EMID1: variants seen among roughly 807,000 people sequenced by gnomAD.
The protein encoded by EMID1 is EMI domain containing 1, also known as EMI domain-containing protein 1.
A neutral mutation model predicts 60.6 loss-of-function variants in EMID1; 40 were observed. That is an observed-to-expected ratio of 0.66 (90% CI 0.51 to 0.86). The LOEUF (loss-of-function observed/expected upper bound fraction) is 0.86, where lower values mean the gene tolerates loss of function less well. Among genes scored for constraint, EMID1 ranks in the 40% least tolerant of loss-of-function variants. The pLI is 0.00. For synonymous variants in EMID1, 242 were observed against 231.0 expected, an observed-to-expected ratio of 1.05 and a Z score of -0.43; for missense variants, 585 against 597.1, an observed-to-expected ratio of 0.98 and a Z score of 0.21.
In EMID1 at chr22:29,233,398, C is replaced by T. The variant is rs916790154; in HGVS notation, c.843C>T (p.Asn281=). ...ACCCAGGAGACCCATTGCTGTCCAA[C>T]ACCTTCACTGAGACCAACAACCACT... The part of the protein sequence containing the change: ...ISQHGDPLLS[N]TFTETNNHWP... The change falls in exon 9 of 15, where the codon AAC becomes AAT. Residue 281 remains asparagine, a synonymous_variant. Coordinates refer to ENST00000334018, the MANE Select transcript of EMID1 (RefSeq NM_133455.4). 3.1e-6 allele frequency: 5 copies of T among 1,614,120 alleles called. No individual in the cohort carries two copies. The highest frequency in any genetic ancestry group is 3.4e-6 in the Non-Finnish European group (4 of 1,179,950).
chr22:29,226,673 G>A (rs937611531), intron 5 of EMID1, 122 bp downstream of exon 5: 23 of 983,592 alleles, frequency 2.3e-5, no homozygotes, highest in Non-Finnish European at 2.9e-5. Context: ...TGAACCCACA[G>A]GGCAGCTCTG....
chr22:29,230,874 T>C, intron 5 of EMID1, 146 bp from the exon 6 acceptor site: 2 of 1,021,932 alleles, frequency 2.0e-6, no homozygotes, highest in Non-Finnish European at 2.7e-6. Context: ...AAGGATCGCT[T>C]AAGCCCGGGT....
chr22:29,236,478 G>T (rs1206436740), intron 12 of EMID1, among the ~76,000 whole-genome samples: 1 of 152,078 alleles, frequency 6.6e-6, no homozygotes, highest in East Asian at 1.9e-4. Context: ...ATCACCTGAG[G>T]TCAGGAGTTT....
chr22:29,244,931 C>T (rs2146388580), intron 13 of EMID1, among the ~76,000 whole-genome samples: 1 of 152,236 alleles, frequency 6.6e-6, no homozygotes, highest in South Asian at 2.1e-4. Flanking sequence ...GTGACTCCCC[C>T]TCCACATGCA....
At chr22:29,255,274 C>G in intron 14 of EMID1, 1 of 1,491,556 alleles carries the variant, frequency 6.7e-7, no homozygotes, top group South Asian at 1.3e-5. Flanking sequence ...CCATCAGGCT[C>G]CTAGCTTACA....
chr22:29,217,965 T>A (rs114832290), intron 3 of EMID1, among the ~76,000 whole-genome samples: 1 of 152,052 alleles, frequency 6.6e-6, no homozygotes, highest in African/African-American at 2.4e-5. Context: ...CAGCCTGGGG[T>A]GGGCCAAAGG....
intron 12 of EMID1, among the ~76,000 whole-genome samples, chr22:29,240,563 C>A (rs1186922136): frequency 1.3e-5 from 2 of 152,178 alleles, no homozygotes; most frequent in Admixed American, 6.5e-5. Context: ...GCATAAAACC[C>A]CTCGTGGCCT....
intron 14 of EMID1, among the ~76,000 whole-genome samples, chr22:29,256,261 TC>T (rs1471131618): frequency 1.3e-5 from 2 of 151,618 alleles, no homozygotes; most frequent in African/African-American, 4.8e-5. Context: ...TCACCTGAGG[TC>T]AAGAGTTCAA....
intron 3 of EMID1, among the ~76,000 whole-genome samples, chr22:29,220,532 T>C (rs949530423): frequency 2.6e-5 from 4 of 151,990 alleles, no homozygotes. Flanking sequence ...TGCCTCCCTA[T>C]GGCCTGTGGT....
Position 29,233,550 on chromosome 22 carries a change from C to T in EMID1, c.914-64C>T, listed in dbSNP as rs1006076604. ...AGGGTTTGTGGCTATCAGGAGGGAG[C>T]TGATGGGGCACTTCCTGAGATTGTA... On this transcript the variant is annotated intron_variant, in intron 9 of 14. Transcript: ENST00000334018. 9.1e-5 allele frequency: 146 copies of T among 1,605,108 alleles called. No homozygotes were observed. In the Admixed American group the frequency reaches 2.4e-3, roughly 26 times the overall value.
intron 1 of EMID1, among the ~76,000 whole-genome samples, chr22:29,213,306 G>A (rs1568968032): frequency 6.6e-6 from 1 of 152,118 alleles, no homozygotes; most frequent in Non-Finnish European, 1.5e-5. Context: ...CATTTCTGAT[G>A]GTGCCATGGC....
intron 12 of EMID1, 115 bp from the exon 13 acceptor site, chr22:29,243,330 T>G: frequency 1.9e-6 from 2 of 1,058,720 alleles, no homozygotes; most frequent in Non-Finnish European, 2.8e-6. Flanking sequence ...ACAAGCTACT[T>G]TCTGTTTCTC....
chr22:29,233,583 C>T, intron 9 of EMID1, 31 bp from the exon 10 acceptor site: 1 of 1,611,968 alleles, frequency 6.2e-7, no homozygotes. Context: ...GTACTTTGTT[C>T]CGGCCCTTAG....
At chr22:29,244,782 T>A (rs1297339224) in intron 13 of EMID1, among the ~76,000 whole-genome samples, 1 of 151,634 alleles carries the variant, frequency 6.6e-6, no homozygotes, top group Non-Finnish European at 1.5e-5. Context: ...AAACATACCA[T>A]ACCCAAAAGC....
chr22:29,222,198 A>C (rs910782862), intron 3 of EMID1, among the ~76,000 whole-genome samples: 1 of 152,052 alleles, frequency 6.6e-6, no homozygotes, highest in Non-Finnish European at 1.5e-5. Context: ...AGTTCAAGCT[A>C]TCCTCCCGTA....
chr22:29,221,970 TTTTA>T (rs1295421548), intron 3 of EMID1, among the ~76,000 whole-genome samples: 32 of 152,338 alleles, frequency 2.1e-4, no homozygotes, highest in African/African-American at 6.3e-4. Flanking sequence ...CAGACCATGT[TTTTA>T]TTTGTTTTCC....
At chr22:29,231,176 G>A (rs1379676106) in intron 6 of EMID1, 36 bp downstream of exon 6, 2 of 1,557,622 alleles carry the variant, frequency 1.3e-6, no homozygotes, top group Non-Finnish European at 1.7e-6. Context: ...GTGGGAATGA[G>A]CAGTGGGTTG....
intron 7 of EMID1, 112 bp downstream of exon 7, chr22:29,231,794 C>T (rs1308220662): frequency 3.7e-6 from 4 of 1,081,954 alleles, no homozygotes; most frequent in Non-Finnish European, 3.8e-6. Flanking sequence ...ATCTACTTGC[C>T]TCTTCACTCA....
chr22:29,254,609 TG>T (rs1357078197), intron 14 of EMID1: 1 of 302,636 alleles, frequency 3.3e-6, no homozygotes, highest in Non-Finnish European at 6.4e-6. Flanking sequence ...TTATGGGCAA[TG>T]GAACCAAACT....
Sources: allele counts gnomAD v4.1 joint callset (sites outside exome capture counted in the v4.1 genomes callset), GRCh38; gene constraint gnomAD v4.1.1; transcripts MANE v1.5; gene names NCBI Gene and HGNC (gene_info 2026-07-23, HGNC 2026-07-21).